The following OR2H1 variants were observed in gnomAD, a reference collection of about 807,000 sequenced individuals.
OR2H1 encodes the protein olfactory receptor 2H1.
For synonymous variants in OR2H1, 155 were observed against 155.2 expected (o/e 1.00, Z 0.01); for missense variants, 380 against 367.3 (o/e 1.03, Z -0.28).
rs1787333570 is a variant in OR2H1, at chr6:29,462,026, C to G, written c.257C>G (p.Pro86Arg). The G allele has an allele frequency of 1.2e-6, 2 of 1,613,254 alleles. No individual in the cohort carries two copies. Among genetic ancestry groups the G allele is most frequent in the African/African-American group, 2.7e-5 (2 of 74,902 alleles). ...CAGATGCTGGTCAACCTCTGGGGCC[C>G]AAAGAAGACCATCAGCTTCCTGGGA... ...VPQMLVNLWGPKKTISFLGCS... is the reference protein window; with the variant it reads ...VPQMLVNLWGRKKTISFLGCS... The change falls in exon 4 of 4, where the codon CCA becomes CGA. Residue 86 changes from proline to arginine, a missense_variant. Physicochemically the swap from Pro to Arg is moderately radical, Grantham distance 103. Transcript: ENST00000377133.
At position 29,461,711 on chromosome 6, in the gene OR2H1, C is replaced by T. The variant is rs1291984657; in HGVS notation, c.-59C>T. 1.5e-6 allele frequency: 2 copies of T among 1,350,580 alleles called. No homozygotes were observed. The highest frequency in any genetic ancestry group is 2.1e-6 in the Non-Finnish European group (2 of 963,600). The allele number at this position is 1,350,580 out of a possible 1,614,324, so 83.7% of individuals were successfully genotyped here. ...ACACCCAGGCTGAGTTTTGATAAGA[C>T]AGGTTGAATCACACTGGGGTGACAG... On this transcript the variant is annotated 5_prime_UTR_variant, in exon 4 of 4. Coordinates refer to ENST00000377133, the MANE Select transcript of OR2H1 (RefSeq NM_030883.5).
rs1787466975 is a variant in OR2H1, at chr6:29,462,685, G to A, written c.916G>A (p.Glu306Lys). Reference protein sequence around the residue: ...KRALRRLLGKERDSRESWRAA With the variant: ...KRALRRLLGKKRDSRESWRAA ...AGCACTCAGGAGGTTACTAGGGAAGGAAAGAGACTCCAGGGAAAGCTGGAG... is the reference window on the plus strand; with the variant it reads ...AGCACTCAGGAGGTTACTAGGGAAGAAAAGAGACTCCAGGGAAAGCTGGAG... Residue 306 changes from glutamate (E) to lysine (K), a missense_variant, in exon 4 of 4, where the codon GAA (glutamate) becomes AAA (lysine). By Grantham distance (56) the Glu-to-Lys change is moderately conservative. Transcript: ENST00000377133. The A allele has an allele frequency of 6.2e-7, 1 of 1,612,740 alleles. No homozygotes were observed. The highest frequency in any genetic ancestry group is 1.7e-5 in the Admixed American group (1 of 59,986).
chr6:29,458,363 T>C (rs532035556), intron 1 of OR2H1, 91 bp from the exon 2 acceptor site: 6 of 152,352 alleles, frequency 3.9e-5, no homozygotes, highest in African/African-American at 1.4e-4. Flanking sequence ...AGCGCTTTTT[T>C]GAGTGCCCAT....
chr6:29,463,498 C>T lies in OR2H1; in HGVS notation c.*778C>T, dbSNP rs1371945323. On this transcript the variant is annotated 3_prime_UTR_variant, in exon 4 of 4. Transcript: ENST00000377133. ...AGGACAAGGAGCCAGGGAATTGGCA[C>T]GTTTGGCTTTTACTTCTTTTTTATA... The T allele has an allele frequency of 6.0e-5, 10 of 166,936 alleles. No individual in the cohort carries two copies. Among genetic ancestry groups the T allele is most frequent in the South Asian group, 2.1e-4 (1 of 4,836 alleles). The allele number at this position is 166,936 out of a possible 1,614,324, so 10.3% of individuals were successfully genotyped here.
chr6:29,459,185 A>G (rs1294601031), intron 2 of OR2H1, among the ~76,000 whole-genome samples: 2 of 152,222 alleles, frequency 1.3e-5, no homozygotes, highest in Non-Finnish European at 2.9e-5. Context: ...AAAACTCTGG[A>G]CAATTGCTGA....
At position 29,462,111 on chromosome 6, in the gene OR2H1, A is replaced by G. The variant is rs1178522947; in HGVS notation, c.342A>G (p.Thr114=). 1.2e-6 allele frequency: 2 copies of G among 1,613,658 alleles called. No individual in the cohort carries two copies. Among genetic ancestry groups the G allele is most frequent in the South Asian group, 2.2e-5 (2 of 91,070 alleles). Residue 114 remains threonine (T), a synonymous_variant, in exon 4 of 4, where the codon ACA becomes ACG. Transcript: ENST00000377133. ...GGACCACTGAGTGCATCCTCCTGAC[A>G]GTGATGGCCTTTGACCGATACGTGG... ...SLGTTECILL[T]VMAFDRYVAV...
At position 29,461,047 on chromosome 6, in the gene OR2H1, A is replaced by G. The variant is rs375663086; in HGVS notation, c.-275-448A>G. On this transcript the variant is annotated intron_variant, in intron 3 of 3. Coordinates refer to ENST00000377133, the MANE Select transcript of OR2H1 (RefSeq NM_030883.5). ...TTCATGTCATTTTGCTACATTCTACATAATGTTAAGTTGAGGTTAGGGATT... is the reference window on the plus strand; with the variant it reads ...TTCATGTCATTTTGCTACATTCTACGTAATGTTAAGTTGAGGTTAGGGATT... 1.3e-4 allele frequency: 20 copies of G among 152,304 alleles called. No homozygotes were observed. The East Asian group carries it at 2.7e-3, about 21-fold the overall frequency. The allele number at this position is 152,304 out of a possible 1,614,324, so 9.4% of individuals were successfully genotyped here. A position where few individuals can be genotyped will look rare whatever the true frequency, so the allele number is the denominator to read the frequency against.
intron 2 of OR2H1, chr6:29,460,039 TA>T (rs1484410174): frequency 9.8e-5 from 15 of 152,328 alleles, no homozygotes; most frequent in African/African-American, 3.6e-4. Context: ...CCGACCAGCC[TA>T]TACTTTAAGG....
At position 29,461,750 on chromosome 6, in the gene OR2H1, G is replaced by T; in HGVS notation, c.-20G>T. On this transcript the variant is annotated 5_prime_UTR_variant, in exon 4 of 4. It adds an upstream start codon to the 5' untranslated region. Coordinates refer to ENST00000377133, the MANE Select transcript of OR2H1 (RefSeq NM_030883.5). ...CTGGGGTGACAGCCTCATCCCTCCA[G>T]GTACAAACAAGAACAGGCCATGGTT... 2 of 1,592,840 alleles carry T rather than the reference G, an allele frequency of 1.3e-6. No homozygotes were observed. Among genetic ancestry groups the T allele is most frequent in the Non-Finnish European group, 1.7e-6 (2 of 1,164,916 alleles).
At chr6:29,458,042 T>C (rs1455302381) in intron 1 of OR2H1, among the ~76,000 whole-genome samples, 2 of 152,240 alleles carry the variant, frequency 1.3e-5, no homozygotes, top group Non-Finnish European at 2.9e-5. Context: ...CATCTCACTA[T>C]GCCTTTTTTT....
intron 2 of OR2H1, chr6:29,459,941 C>T (rs1787026944): frequency 6.6e-6 from 1 of 152,192 alleles, no homozygotes; most frequent in Non-Finnish European, 1.5e-5. Context: ...TGGGGAGGGT[C>T]TCAATTTTCC....
chr6:29,462,654 A>G lies in OR2H1; in HGVS notation c.885A>G (p.Ile295Met), dbSNP rs187660135. The change falls in exon 4 of 4, where the codon ATA becomes ATG. Residue 295 changes from isoleucine (I) to methionine (M), a missense_variant. Coordinates refer to ENST00000377133, the MANE Select transcript of OR2H1 (RefSeq NM_030883.5). ...TATACACCCTGAGGAACAAGGAGAT[A>G]AAGCGAGCACTCAGGAGGTTACTAG... ...PLVYTLRNKE[I>M]KRALRRLLGK... is the part of the protein sequence containing the mutation. 60 of 1,613,092 alleles carry G rather than the reference A, an allele frequency of 3.7e-5. 1 individual carries two copies. The East Asian group carries it at 1.2e-3, about 34-fold the overall frequency.
chr6:29,461,776 A>G lies in OR2H1; in HGVS notation c.7A>G (p.Asn3Asp). Residue 3 changes from asparagine to aspartate, a missense_variant, in exon 4 of 4, where the codon AAC (asparagine) becomes GAC (aspartate). Transcript: ENST00000377133. MV[N>D]QSSPMGFLLL... ...GTACAAACAAGAACAGGCCATGGTT[A>G]ACCAAAGCTCCCCCATGGGCTTCCT... is the stretch of plus-strand genomic sequence containing the variant. 6.2e-7 allele frequency: 1 copy of G among 1,611,664 alleles called. No homozygotes were observed. The highest frequency in any genetic ancestry group is 8.5e-7 in the Non-Finnish European group (1 of 1,179,076).
At chr6:29,457,854 T>C (rs1786621483) in intron 1 of OR2H1, among the ~76,000 whole-genome samples, 1 of 152,148 alleles carries the variant, frequency 6.6e-6, no homozygotes, top group African/African-American at 2.4e-5. Context: ...TGGTGACCTT[T>C]TTATATGCCA....
chr6:29,462,729 C>A lies in OR2H1; in HGVS notation c.*9C>A, dbSNP rs1159914347. The A allele has an allele frequency of 6.3e-7, 1 of 1,588,030 alleles. No homozygotes were observed. ...GCTGGAGAGCTGCTTAATATACTTTCGAAAGTAAGAAGAGTTTCTTCAAGA... is the reference window on the plus strand; with the variant it reads ...GCTGGAGAGCTGCTTAATATACTTTAGAAAGTAAGAAGAGTTTCTTCAAGA... On this transcript the variant is annotated 3_prime_UTR_variant, in exon 4 of 4. Transcript: ENST00000377133.
At chr6:29,461,092 C>G (rs779824868) in intron 3 of OR2H1, 7 of 152,104 alleles carry the variant, frequency 4.6e-5, no homozygotes, top group Non-Finnish European at 1.0e-4. Flanking sequence ...GGAGGAAGCT[C>G]TTACATTTAG....
Position 29,463,133 on chromosome 6 carries a change from G to A in OR2H1, c.*413G>A, listed in dbSNP as rs531692691. ...CCTTGCATGTATCTACGTAGGTCAT[G>A]TAAGCAAAGGCTTGAAGAACAGCTA... On this transcript the variant is annotated 3_prime_UTR_variant, in exon 4 of 4. Transcript: ENST00000377133. 5.0e-6 allele frequency: 1 copy of A among 198,056 alleles called. No homozygotes were observed. Among genetic ancestry groups the A allele is most frequent in the Non-Finnish European group, 1.1e-5 (1 of 87,152 alleles). The allele number at this position is 198,056 out of a possible 1,614,324, so 12.3% of individuals were successfully genotyped here. A position where few individuals can be genotyped will look rare whatever the true frequency, so the allele number is the denominator to read the frequency against.
Position 29,461,894 on chromosome 6 carries a change from T to G in OR2H1, c.125T>G (p.Leu42Arg). The G allele has an allele frequency of 6.2e-7, 1 of 1,613,022 alleles. No individual in the cohort carries two copies. The highest frequency in any genetic ancestry group is 8.5e-7 in the Non-Finnish European group (1 of 1,179,996). Reference sequence around the variant, plus strand: ...CTCTTGACCCTGGTGGGCAACACACTCATCATCCTGCTGTCTGTACTGTAC... The same window carrying G: ...CTCTTGACCCTGGTGGGCAACACACGCATCATCCTGCTGTCTGTACTGTAC... Reference protein sequence around the residue: ...SYLLTLVGNTLIILLSVLYPR... With the variant: ...SYLLTLVGNTRIILLSVLYPR... The change falls in exon 4 of 4, where the codon CTC becomes CGC. Residue 42 changes from leucine (L) to arginine (R), a missense_variant. Physicochemically the swap from Leu to Arg is moderately radical, Grantham distance 102. Coordinates refer to ENST00000377133, the MANE Select transcript of OR2H1 (RefSeq NM_030883.5).
At chr6:29,461,423 A>G (rs925235858) in intron 3 of OR2H1, 72 bp from the exon 4 acceptor site, 6 of 304,414 alleles carry the variant, frequency 2.0e-5, no homozygotes, top group African/African-American at 1.1e-4. Flanking sequence ...GAGCCTAACA[A>G]TTTATTGTTG....
Sources: gnomAD v4.1 joint callset for allele counts (sites outside exome capture counted in the v4.1 genomes callset) on GRCh38, gnomAD v4.1.1 for gene constraint, MANE v1.5 for transcripts, NCBI Gene and HGNC (gene_info 2026-07-23, HGNC 2026-07-21) for gene names.